Variants in DACT1 observed in about 807,000 individuals in gnomAD.
DACT1 encodes dishevelled binding antagonist of beta catenin 1.
A neutral mutation model predicts 35.3 loss-of-function variants in DACT1; 19 were observed. The observed-to-expected ratio is 0.54, with a 90% confidence interval of 0.38 to 0.79. The LOEUF (loss-of-function observed/expected upper bound fraction) is 0.79, where lower values mean the gene tolerates loss of function less well. Ranked by LOEUF, DACT1 falls within the 30% of genes least tolerant of loss-of-function variation. DACT1 has a pLI of 0.00. For missense variants in DACT1, 1,143 were observed against 1,057.5 expected, an observed-to-expected ratio of 1.08 and a Z score of -1.12; for synonymous variants, 545 against 466.7, an observed-to-expected ratio of 1.17 and a Z score of -2.16.
In DACT1 at chr14:58,646,525, T is replaced by C. The variant is rs768129242; in HGVS notation, c.1791T>C (p.Ser597=). 2 of 1,552,876 alleles carry C rather than the reference T, an allele frequency of 1.3e-6. No individual in the cohort carries two copies. Among genetic ancestry groups the C allele is most frequent in the Non-Finnish European group, 1.7e-6 (2 of 1,153,574 alleles). ...AAGCCTCCTCCAAGGGGAGGAAGAG[T>C]GGGGGCGGGCCCGAGGCTGGTGTTC... ...LKKASSKGRK[S]GGGPEAGVPG... The change falls in exon 4 of 4, where the codon AGT becomes AGC. Residue 597 remains serine, a synonymous_variant. Transcript: ENST00000395153.
At position 58,641,637 on chromosome 14, in the gene DACT1, C is replaced by T; in HGVS notation, c.524C>T (p.Ser175Phe). The T allele has an allele frequency of 6.2e-7, 1 of 1,614,148 alleles. No homozygotes were observed. The highest frequency in any genetic ancestry group is 8.5e-7 in the Non-Finnish European group (1 of 1,180,028). The change falls in exon 3 of 4, where the codon TCC becomes TTC. Residue 175 changes from serine to phenylalanine, a missense_variant. By Grantham distance (155) the Ser-to-Phe change is radical. This residue lies in a region of DACT1 where 1,054 missense variants were observed against 958.8 expected (regional missense o/e 1.10). Coordinates refer to ENST00000395153, the MANE Select transcript of DACT1 (RefSeq NM_001079520.2). ...GGGGCTTCAGGATCCCTTTCCAATT[C>T]CTCTAACTCGGTGTTCAGTGAGTGT... ...SDGASGSLSN[S>F]SNSVFSECLS...
intron 1 of DACT1, chr14:58,639,154 T>G: frequency 1.0e-6 from 1 of 985,336 alleles, no homozygotes; most frequent in Non-Finnish European, 1.2e-6. Flanking sequence ...TCAAACTAGA[T>G]GGAAATGATG....
chr14:58,646,049 A>G lies in DACT1; in HGVS notation c.1315A>G (p.Lys439Glu), dbSNP rs1285387043. ...CSAIGTGESP[K>E]ESAQLSGASP... ...CGCCATTGGGACAGGGGAGTCCCCTAAGGAAAGCGCTCAGCTCTCAGGGGC... is the reference window on the plus strand; with the variant it reads ...CGCCATTGGGACAGGGGAGTCCCCTGAGGAAAGCGCTCAGCTCTCAGGGGC... The change falls in exon 4 of 4, where the codon AAG becomes GAG. Residue 439 changes from lysine to glutamate, a missense_variant. Around this residue, in one of 3 missense-constraint regions of DACT1, gnomAD observed 1,054 missense variants for 958.8 expected, o/e 1.10. Transcript: ENST00000395153. 1.2e-6 allele frequency: 2 copies of G among 1,613,942 alleles called. No individual in the cohort carries two copies. Among genetic ancestry groups the G allele is most frequent in the Non-Finnish European group, 1.7e-6 (2 of 1,180,008 alleles).
intron 1 of DACT1, chr14:58,638,964 CGA>C (rs2047602197): frequency 2.0e-6 from 2 of 987,316 alleles, no homozygotes; most frequent in East Asian, 1.1e-4. Flanking sequence ...CTCCTCCCGC[CGA>C]GAGGGGCCAA....
At chr14:58,641,838 G>T in intron 3 of DACT1, 91 bp downstream of exon 3, 2 of 1,273,980 alleles carry the variant, frequency 1.6e-6, no homozygotes, top group South Asian at 1.4e-5. Context: ...TTCACTGGTG[G>T]AAAAATGAAG....
intron 3 of DACT1, among the ~76,000 whole-genome samples, chr14:58,642,302 C>T (rs2047634796): frequency 1.3e-5 from 2 of 151,988 alleles, no homozygotes; most frequent in Non-Finnish European, 2.9e-5. Flanking sequence ...GCCTGGCCAA[C>T]ATGGTGAAAC....
At position 58,645,598 on chromosome 14, in the gene DACT1, T is replaced by A. The variant is rs2047666583; in HGVS notation, c.864T>A (p.Ser288Arg). The part of the protein sequence containing the change: ...KTDSSLPSPS[S>R]LWSASHPSSS... ...ACAGTTCCTTACCGTCCCCAAGCAG[T>A]CTGTGGTCTGCTTCCCATCCTTCAT... is the stretch of plus-strand genomic sequence containing the variant. The change falls in exon 4 of 4, where the codon AGT becomes AGA. Residue 288 changes from serine (S) to arginine (R), a missense_variant. Around this residue, in one of 3 missense-constraint regions of DACT1, gnomAD observed 1,054 missense variants for 958.8 expected, o/e 1.10. Coordinates refer to ENST00000395153, the MANE Select transcript of DACT1 (RefSeq NM_001079520.2). The A allele has an allele frequency of 1.9e-6, 3 of 1,613,952 alleles. No homozygotes were observed. The Admixed American group carries it at 5.0e-5, about 27-fold the overall frequency.
rs200318568 is a variant in DACT1, at chr14:58,646,425, T to G, written c.1691T>G (p.Val564Gly). Residue 564 changes from valine to glycine, a missense_variant, in exon 4 of 4, where the codon GTC (valine) becomes GGC (glycine). Around this residue, in one of 3 missense-constraint regions of DACT1, gnomAD observed 1,054 missense variants for 958.8 expected, o/e 1.10. Transcript: ENST00000395153. ...LQGLENGLPT[V>G]REKTRAGSKK... Reference sequence around the variant, plus strand: ...GGGCTGGAGAACGGCTTGCCCACCGTCAGGGAGAAAACGCGGGCCGGGAGC... The same window carrying G: ...GGGCTGGAGAACGGCTTGCCCACCGGCAGGGAGAAAACGCGGGCCGGGAGC... The G allele has an allele frequency of 1.9e-6, 3 of 1,597,242 alleles. No homozygotes were observed. In the African/African-American group the frequency reaches 4.1e-5, roughly 22 times the overall value.
chr14:58,639,632 A>G (rs1472308549), intron 1 of DACT1, among the ~76,000 whole-genome samples: 1 of 151,974 alleles, frequency 6.6e-6, no homozygotes, highest in Non-Finnish European at 1.5e-5. Flanking sequence ...TGATAGGTTC[A>G]TTTTTCCTGA....
In DACT1 at chr14:58,647,624, A is replaced by G. The variant is rs142749290; in HGVS notation, c.*490A>G. The G allele has an allele frequency of 1.2e-3, 213 of 172,356 alleles. No homozygotes were observed. The highest frequency in any genetic ancestry group is 5.0e-3 in the African/African-American group (207 of 41,256). The allele number at this position is 172,356 out of a possible 1,614,324, so 10.7% of individuals were successfully genotyped here. A position where few individuals can be genotyped will look rare whatever the true frequency, so the allele number is the denominator to read the frequency against. On this transcript the variant is annotated 3_prime_UTR_variant, in exon 4 of 4. Coordinates refer to ENST00000395153, the MANE Select transcript of DACT1 (RefSeq NM_001079520.2). ...AGTCATTGTATTCTATAGTTTTTTTATGTAGTCTACATTTCTCAGATGTAT... is the reference window on the plus strand; with the variant it reads ...AGTCATTGTATTCTATAGTTTTTTTGTGTAGTCTACATTTCTCAGATGTAT...
intron 3 of DACT1, 136 bp downstream of exon 3, chr14:58,641,883 C>G (rs1373804599): frequency 1.1e-5 from 9 of 782,804 alleles, no homozygotes; most frequent in South Asian, 5.4e-5. Flanking sequence ...GCCATACTTA[C>G]ATCTAGAACT....
intron 1 of DACT1, among the ~76,000 whole-genome samples, chr14:58,640,219 A>G (rs2047614248): frequency 6.6e-6 from 1 of 152,226 alleles, no homozygotes; most frequent in Non-Finnish European, 1.5e-5. Context: ...GGCTATTAGT[A>G]TTAGTTTCTC....
Position 58,638,413 on chromosome 14 carries a change from G to A in DACT1, c.211G>A (p.Gly71Ser). The A allele has an allele frequency of 6.9e-6, 9 of 1,307,626 alleles. No individual in the cohort carries two copies. The highest frequency in any genetic ancestry group is 8.8e-6 in the Non-Finnish European group (9 of 1,027,530). 81.0% of individuals were successfully genotyped at this position (1,307,626 alleles called of 1,614,324 possible). The change falls in exon 1 of 4, where the codon GGC becomes AGC. Residue 71 changes from glycine to serine, a missense_variant. Gly to Ser is a moderately conservative substitution (Grantham distance 56, BLOSUM62 0). This residue lies in a region of DACT1 where 1,054 missense variants were observed against 958.8 expected (regional missense o/e 1.10). Coordinates refer to ENST00000395153, the MANE Select transcript of DACT1 (RefSeq NM_001079520.2). The part of the protein sequence containing the change: ...LRQRQELLVR[G>S]ALRGAGGAGA... Reference sequence around the variant, plus strand: ...CCAGCGCCAAGAGCTGCTGGTCAGGGGCGCCCTGCGCGGCGCCGGGGGTGC... The same window carrying A: ...CCAGCGCCAAGAGCTGCTGGTCAGGAGCGCCCTGCGCGGCGCCGGGGGTGC...
At position 58,647,375 on chromosome 14, in the gene DACT1, G is replaced by GT; in HGVS notation, c.*245dup. The GT allele has an allele frequency of 2.0e-6, 1 of 509,154 alleles. No homozygotes were observed. The highest frequency in any genetic ancestry group is 3.5e-6 in the Non-Finnish European group (1 of 288,144). The allele number at this position is 509,154 out of a possible 1,614,324, so 31.5% of individuals were successfully genotyped here. On this transcript the variant is annotated 3_prime_UTR_variant, in exon 4 of 4. Coordinates refer to ENST00000395153, the MANE Select transcript of DACT1 (RefSeq NM_001079520.2). Reference sequence around the variant, plus strand: ...GAGGTTTTAATGGTGGTGATAGTGAGTTTTGTGGCACCAGCTGTTTTTTAT... The same window carrying GT: ...GAGGTTTTAATGGTGGTGATAGTGAGTTTTTGTGGCACCAGCTGTTTTTTAT...
At position 58,645,795 on chromosome 14, in the gene DACT1, A is replaced by C. The variant is rs1301600265; in HGVS notation, c.1061A>C (p.Asn354Thr). Residue 354 changes from asparagine to threonine, a missense_variant, in exon 4 of 4, where the codon AAC (asparagine) becomes ACC (threonine). Asn to Thr is a moderately conservative substitution (Grantham distance 65). Transcript: ENST00000395153. ...GGTGTCTCACAGGGCAACAGTGTGA[A>C]CCTTAAGAATTCGAAACAGGCGTGT... ...PGGVSQGNSV[N>T]LKNSKQACLP... 1 of 1,614,256 alleles carries C rather than the reference A, an allele frequency of 6.2e-7. No individual in the cohort carries two copies. Among genetic ancestry groups the C allele is most frequent in the East Asian group, 2.2e-5 (1 of 44,880 alleles).
At chr14:58,643,720 G>A (rs1310228283) in intron 3 of DACT1, among the ~76,000 whole-genome samples, 1 of 152,308 alleles carries the variant, frequency 6.6e-6, no homozygotes, top group African/African-American at 2.4e-5. Flanking sequence ...TGGGGGCTAG[G>A]ATATCTGTTT....
intron 2 of DACT1, 63 bp downstream of exon 2, chr14:58,640,931 T>G: frequency 6.3e-7 from 1 of 1,586,450 alleles, no homozygotes; most frequent in Non-Finnish European, 8.6e-7. Context: ...CCCCTTGTGG[T>G]TAACATTCCC....
chr14:58,646,908 G>T lies in DACT1; in HGVS notation c.2174G>T (p.Ser725Ile), dbSNP rs1228822793. The T allele has an allele frequency of 6.2e-7, 1 of 1,614,210 alleles. No homozygotes were observed. ...TTCGGGGACAGCGAGTCGAGTGTGA[G>T]CGAGGGCGAGTTCGTGGGGGAGAGC... is the stretch of plus-strand genomic sequence containing the variant. Reference protein sequence around the residue: ...NCFGDSESSVSEGEFVGESTT... With the variant: ...NCFGDSESSVIEGEFVGESTT... The change falls in exon 4 of 4, where the codon AGC becomes ATC. Residue 725 changes from serine (S) to isoleucine (I), a missense_variant. This residue lies in a region of DACT1 where 1,054 missense variants were observed against 958.8 expected (regional missense o/e 1.10). Transcript: ENST00000395153.
At position 58,645,719 on chromosome 14, in the gene DACT1, C is replaced by G. The variant is rs140545872; in HGVS notation, c.985C>G (p.Pro329Ala). 2 of 1,614,222 alleles carry G rather than the reference C, an allele frequency of 1.2e-6. No homozygotes were observed. Among genetic ancestry groups the G allele is most frequent in the East Asian group, 4.5e-5 (2 of 44,874 alleles). The change falls in exon 4 of 4, where the codon CCC (proline) becomes GCC (alanine). Residue 329 changes from proline (P) to alanine (A), a missense_variant. Physicochemically the swap from Pro to Ala is conservative, Grantham distance 27. Around this residue, in one of 3 missense-constraint regions of DACT1, gnomAD observed 1,054 missense variants for 958.8 expected, o/e 1.10. Transcript: ENST00000395153. ...NKPRTSVNAD[P>A]TKGLLRNGSV... Reference sequence around the variant, plus strand: ...ACCAAGAACCAGCGTGAACGCTGACCCCACGAAAGGGCTTCTGAGGAACGG... The same window carrying G: ...ACCAAGAACCAGCGTGAACGCTGACGCCACGAAAGGGCTTCTGAGGAACGG...
Sources: allele counts gnomAD v4.1 joint callset (sites outside exome capture counted in the v4.1 genomes callset), GRCh38; gene constraint gnomAD v4.1.1; regional missense constraint gnomAD v4.1.1; transcripts MANE v1.5; gene names NCBI Gene and HGNC (gene_info 2026-07-23, HGNC 2026-07-21).